The following INTS6 variants were observed in gnomAD, a reference collection of about 807,000 sequenced individuals.
INTS6 encodes integrator complex subunit 6.
In INTS6, 16 loss-of-function variants were observed where a neutral mutation model predicts 104.9. The ratio of observed to expected loss-of-function variants is 0.15; its 90% confidence interval spans 0.10 to 0.23. The LOEUF (loss-of-function observed/expected upper bound fraction) is 0.23, where lower values mean the gene tolerates loss of function less well. INTS6 is among the 10% of genes least tolerant of loss of function. INTS6 has a pLI of 1.00. For synonymous variants in INTS6, 324 were observed against 358.7 expected (o/e 0.90, Z 1.09); for missense variants, 584 against 1,062.8 (o/e 0.55, Z 6.26).
chr13:51,451,339 G>C (rs1451238382), intron 2 of INTS6, 165 bp from the exon 3 acceptor site: 5 of 442,476 alleles, frequency 1.1e-5, no homozygotes, highest in African/African-American at 1.0e-4. Context: ...TCCAAAGGTG[G>C]CCCAGGAATA....
At chr13:51,340,925 G>A in the INTS6 span, 1 of 684,766 alleles carries the variant, frequency 1.5e-6, no homozygotes, top group Non-Finnish European at 2.4e-6. Context: ...TGGGCCTCAG[G>A]GTAGGTAACC....
chr13:51,422,198 C>T lies in INTS6; in HGVS notation c.429+8096G>A, dbSNP rs529149191. On this transcript the variant is annotated intron_variant, in intron 4 of 17. Transcript: ENST00000311234. ...CTTTGTCTGTCAATTACTTTACCTT[C>T]CTTTCTCCTCCTTTATTTTTTATCA... is the stretch of plus-strand genomic sequence containing the variant. Among the ~76,000 whole-genome samples the T allele has an allele frequency of 3.3e-5, 5 of 152,226 alleles. No individual in the cohort carries two copies. The East Asian group carries it at 7.7e-4, about 23-fold the overall frequency.
chr13:51,397,763 T>C (rs1301944008), intron 4 of INTS6, among the ~76,000 whole-genome samples: 2 of 152,054 alleles, frequency 1.3e-5, no homozygotes, highest in East Asian at 1.9e-4. Context: ...GAATAATGGA[T>C]AGATACATGG....
chr13:51,436,984 G>A (rs992336540), intron 3 of INTS6: 4 of 152,130 alleles, frequency 2.6e-5, no homozygotes, highest in African/African-American at 9.7e-5. Context: ...CAGGCACGGT[G>A]GCTCACACTT....
chr13:51,348,498 T>A, the INTS6 span: 4 of 1,122,692 alleles, frequency 3.6e-6, no homozygotes, highest in Admixed American at 5.9e-5. Flanking sequence ...GCCTCCAGGG[T>A]CTGTGCTTAG....
chr13:51,350,432 T>G (rs1048852347), downstream of INTS6, among the ~76,000 whole-genome samples: 3 of 152,130 alleles, frequency 2.0e-5, no homozygotes, highest in Non-Finnish European at 4.4e-5. Flanking sequence ...ATGCCAAATA[T>G]GTATGTAATG....
chr13:51,410,760 G>A (rs893462523), intron 4 of INTS6, among the ~76,000 whole-genome samples: 1 of 152,150 alleles, frequency 6.6e-6, no homozygotes, highest in Non-Finnish European at 1.5e-5. Context: ...TAAAGACTGG[G>A]AGAAAGTATT....
intron 3 of INTS6, chr13:51,441,545 A>T (rs1370443326): frequency 6.6e-6 from 1 of 152,184 alleles, no homozygotes; most frequent in East Asian, 1.9e-4. Context: ...ACCTTAAGTT[A>T]AATGAAAATA....
chr13:51,450,839 G>A (rs1250382446), intron 3 of INTS6, 186 bp downstream of exon 3: 3 of 1,213,294 alleles, frequency 2.5e-6, no homozygotes, highest in East Asian at 3.4e-5. Flanking sequence ...ATTTTAGAGG[G>A]GGAAAAAATG....
intron 4 of INTS6, among the ~76,000 whole-genome samples, chr13:51,400,938 A>G (rs1396969625): frequency 6.6e-6 from 1 of 152,196 alleles, no homozygotes; most frequent in Non-Finnish European, 1.5e-5. Context: ...AATATGGCAG[A>G]AACTTTTATA....
At position 51,374,219 on chromosome 13, in the gene INTS6, G is replaced by T. The variant is rs1444739139; in HGVS notation, c.2093C>A (p.Pro698His). The stretch of plus-strand genomic sequence containing the variant: ...AAAACAATTCTTACTTTTATGAAGA[G>T]GAAGAGGTTTAATAAGATCTGGCTG... ...QAQPDLIKPL[P>H]LHKISETTND... Residue 698 changes from proline to histidine, a missense_variant, in exon 15 of 18, where the codon CCT becomes CAT. This residue lies in a region of INTS6 where 296 missense variants were observed against 437.0 expected (regional missense o/e 0.68). Coordinates refer to ENST00000311234, the MANE Select transcript of INTS6 (RefSeq NM_012141.3). The T allele has an allele frequency of 2.5e-6, 4 of 1,611,956 alleles. No individual in the cohort carries two copies. The highest frequency in any genetic ancestry group is 3.4e-6 in the Non-Finnish European group (4 of 1,178,310).
intron 3 of INTS6, chr13:51,450,105 G>T: frequency 1.0e-6 from 1 of 985,330 alleles, no homozygotes; most frequent in Non-Finnish European, 1.2e-6. Context: ...CAAAACTAGG[G>T]ACTGTGGGAC....
intron 4 of INTS6, among the ~76,000 whole-genome samples, chr13:51,429,473 ATTT>A (rs1957044568): frequency 6.6e-6 from 1 of 152,060 alleles, no homozygotes; most frequent in Admixed American, 6.6e-5. Context: ...TTAGCTATAA[ATTT>A]TTTATACAGC....
rs1167486045 is a variant in INTS6, at chr13:51,362,895, G to A, written c.*2857C>T. 6.6e-6 allele frequency: 1 copy of A among 152,232 alleles called. No homozygotes were observed. The highest frequency in any genetic ancestry group is 6.6e-5 in the Admixed American group (1 of 15,212). 9.4% of individuals were successfully genotyped at this position (152,232 alleles called of 1,614,324 possible). ...TAATCTATTTGGGATTATTTGGAGA[G>A]AAAAAGTCCATCAACAGAGTATGTC... On this transcript the variant is annotated 3_prime_UTR_variant, in exon 18 of 18. Coordinates refer to ENST00000311234, the MANE Select transcript of INTS6 (RefSeq NM_012141.3).
At chr13:51,358,103 C>T (rs1408999424), downstream of INTS6, among the ~76,000 whole-genome samples, 1 of 151,978 alleles carries the variant, frequency 6.6e-6, no homozygotes, top group Admixed American at 6.6e-5. Context: ...ATTTCAAAGG[C>T]CATTTCAGAT....
At chr13:51,405,578 G>A (rs945155372) in intron 4 of INTS6, among the ~76,000 whole-genome samples, 2 of 151,926 alleles carry the variant, frequency 1.3e-5, no homozygotes, top group African/African-American at 2.4e-5. Flanking sequence ...GTTTTGGCTT[G>A]GTTACTCTGG....
At chr13:51,350,534 A>G (rs1955394152), downstream of INTS6, among the ~76,000 whole-genome samples, 3 of 152,212 alleles carry the variant, frequency 2.0e-5, no homozygotes, top group Non-Finnish European at 4.4e-5. Flanking sequence ...AAAATCCACC[A>G]GATCCCACAT....
At chr13:51,442,661 C>G (rs907388280) in intron 3 of INTS6, 3 of 152,696 alleles carry the variant, frequency 2.0e-5, no homozygotes, top group Non-Finnish European at 4.4e-5. Flanking sequence ...CCTGTTAGAT[C>G]AGCAGCAGCA....
At chr13:51,424,888 GA>G (rs1165567142) in intron 4 of INTS6, among the ~76,000 whole-genome samples, 5 of 152,074 alleles carry the variant, frequency 3.3e-5, no homozygotes, top group African/African-American at 1.2e-4. Context: ...TCAAAAAAGA[GA>G]AAGTTCTCCA....
Sources: gnomAD v4.1 joint callset for allele counts (sites outside exome capture counted in the v4.1 genomes callset) on GRCh38, gnomAD v4.1.1 for gene constraint, gnomAD v4.1.1 regional missense constraint, MANE v1.5 for transcripts, NCBI Gene and HGNC (gene_info 2026-07-23, HGNC 2026-07-21) for gene names.